EVL: variants seen among roughly 807,000 people sequenced by gnomAD.
The protein encoded by EVL is ena/VASP-like protein.
A neutral mutation model predicts 59.6 loss-of-function variants in EVL; 21 were observed. The ratio of observed to expected loss-of-function variants is 0.35; its 90% CI spans 0.25 to 0.51. EVL has a LOEUF of 0.51. Ranked by LOEUF, EVL falls within the 20% of genes least tolerant of loss-of-function variation. EVL has a pLI of 0.97. For missense variants in EVL, 462 were observed against 546.6 expected, an observed-to-expected ratio of 0.85 and a Z score of 1.54; for synonymous variants, 198 against 203.5, an observed-to-expected ratio of 0.97 and a Z score of 0.23.
At position 99,972,431 on chromosome 14, in the gene EVL, C is replaced by CG. The variant is rs2060740468; in HGVS notation, c.5+376dup. Among the ~76,000 whole-genome samples, 1 of 152,120 alleles carries CG rather than the reference C, an allele frequency of 6.6e-6. No homozygotes were observed. The highest frequency in any genetic ancestry group is 2.4e-5 in the African/African-American group (1 of 41,442). The stretch of plus-strand genomic sequence containing the variant: ...CCGACCGCGCGAGGACCGAAGTTGG[C>CG]GGAAGCCCCTGTGCGGTGCCTTCCA... On this transcript the variant is annotated intron_variant, in intron 1 of 13. Transcript: ENST00000402714. The surrounding 1 kb of genome is among the most constrained non-coding windows in gnomAD (Gnocchi z 4.4).
intron 4 of EVL, among the ~76,000 whole-genome samples, chr14:100,123,901 C>T (rs1887860156): frequency 6.6e-6 from 1 of 152,222 alleles, no homozygotes; most frequent in Non-Finnish European, 1.5e-5. Flanking sequence ...GTGCTGCTCC[C>T]TTGTTGCCTC....
At chr14:100,072,255 C>G (rs956131719) in intron 1 of EVL, among the ~76,000 whole-genome samples, 1 of 152,176 alleles carries the variant, frequency 6.6e-6, no homozygotes, top group African/African-American at 2.4e-5. Context: ...ATCGGAGTCT[C>G]CCTCTGTCGC....
At chr14:100,008,128 G>T (rs996075135) in intron 1 of EVL, among the ~76,000 whole-genome samples, 11 of 152,060 alleles carry the variant, frequency 7.2e-5, no homozygotes, top group African/African-American at 2.7e-4. Flanking sequence ...TCTCAAACTT[G>T]AGCATGCGTT....
intron 3 of EVL, among the ~76,000 whole-genome samples, chr14:100,101,179 G>A (rs1225138798): frequency 1.3e-5 from 2 of 151,888 alleles, no homozygotes; most frequent in African/African-American, 4.8e-5. Flanking sequence ...GGCCAACCTC[G>A]TCTCTACTAA....
At chr14:100,054,870 G>A (rs113430828) in intron 1 of EVL, among the ~76,000 whole-genome samples, 42 of 152,164 alleles carry the variant, frequency 2.8e-4, no homozygotes, top group African/African-American at 1.0e-3. Flanking sequence ...TTAACACCCA[G>A]GCACACATCC....
chr14:100,006,386 G>A (rs545796556), intron 1 of EVL, among the ~76,000 whole-genome samples: 1 of 150,766 alleles, frequency 6.6e-6, no homozygotes, highest in African/African-American at 2.4e-5. Context: ...CCGTGTTCAA[G>A]CAATTCTCCT....
Position 100,101,217 on chromosome 14 carries a change from G to C in EVL, c.358+3559G>C, listed in dbSNP as rs542927559. 5.3e-5 allele frequency among the ~76,000 whole-genome samples: 8 copies of C among 152,264 alleles called. No individual in the cohort carries two copies. In the South Asian group the frequency reaches 1.5e-3, roughly 28 times the overall value. On this transcript the variant is annotated intron_variant, in intron 3 of 13. Transcript: ENST00000392920. The stretch of plus-strand genomic sequence containing the variant: ...AGACAAAATTAGGCCGGGCGCGGTG[G>C]CTCACACCTGTAATCCCAATACTTG...
At chr14:100,056,294 G>A (rs1188808633) in intron 1 of EVL, among the ~76,000 whole-genome samples, 1 of 149,456 alleles carries the variant, frequency 6.7e-6, no homozygotes, top group African/African-American at 2.5e-5. Context: ...ATGTTTTTGG[G>A]TCAACTCTTT....
chr14:100,090,861 A>G (rs2062548788), intron 2 of EVL, among the ~76,000 whole-genome samples: 1 of 152,224 alleles, frequency 6.6e-6, no homozygotes, highest in Non-Finnish European at 1.5e-5. Context: ...TTCAAGAACA[A>G]GACAAGAATG....
chr14:100,094,134 A>AG (rs1215416215), intron 2 of EVL, among the ~76,000 whole-genome samples: 4 of 151,008 alleles, frequency 2.6e-5, no homozygotes, highest in African/African-American at 5.0e-5. Flanking sequence ...ACAAAAAAAA[A>AG]TCACGAAGTC....
At chr14:100,125,590 C>G (rs1888023099) in intron 4 of EVL, among the ~76,000 whole-genome samples, 2 of 150,674 alleles carry the variant, frequency 1.3e-5, no homozygotes, top group Admixed American at 6.6e-5. Context: ...GAGTCTTGCT[C>G]TGTCACCCGG....
chr14:100,068,619 G>A (rs942169571), intron 1 of EVL, among the ~76,000 whole-genome samples: 2 of 152,152 alleles, frequency 1.3e-5, no homozygotes, highest in Non-Finnish European at 2.9e-5. Context: ...CAGGGTAGGC[G>A]GTGAGAAGTC....
chr14:100,105,713 C>T (rs1393791240), intron 3 of EVL, among the ~76,000 whole-genome samples: 1 of 151,996 alleles, frequency 6.6e-6, no homozygotes, highest in Non-Finnish European at 1.5e-5. Flanking sequence ...TGTCTCGCAG[C>T]ATGAGAGTCC....
chr14:100,023,578 C>G (rs898693191), intron 1 of EVL, among the ~76,000 whole-genome samples: 1 of 151,750 alleles, frequency 6.6e-6, no homozygotes, highest in Non-Finnish European at 1.5e-5. Flanking sequence ...CCCCCTGCCT[C>G]GGCCTCCCAA....
intron 1 of EVL, among the ~76,000 whole-genome samples, chr14:100,034,136 C>T (rs1348749716): frequency 1.3e-5 from 2 of 149,476 alleles, no homozygotes; most frequent in African/African-American, 5.0e-5. Context: ...CTCAGGAGGC[C>T]GAGGCATGAG....
intron 1 of EVL, chr14:100,019,422 G>C (rs1485747661): frequency 3.8e-6 from 2 of 525,274 alleles, no homozygotes. Context: ...GCATTAATCA[G>C]ACTTGCTGGA....
intron 1 of EVL, among the ~76,000 whole-genome samples, chr14:99,994,112 CTTTTTTTTT>C (rs751533422): frequency 3.6e-5 from 2 of 55,166 alleles, no homozygotes; most frequent in African/African-American, 8.8e-5. Context: ...AGCCTTTTGG[CTTTTTTTTT>C]TTTTTTTTTT....
At chr14:99,971,714 G>T (rs1191256298) in exon 1 of EVL, 1 of 147,660 alleles carries the variant, frequency 6.8e-6, no homozygotes, top group Non-Finnish European at 1.5e-5. Flanking sequence ...CGTTCCCGCC[G>T]CCCGGACCCC....
chr14:99,975,549 TGGGGGGTTA>T (rs1288388398), intron 1 of EVL, among the ~76,000 whole-genome samples: 2 of 152,134 alleles, frequency 1.3e-5, no homozygotes, highest in Admixed American at 1.3e-4. Flanking sequence ...AATTTTTCCT[TGGGGGGTTA>T]GGGGGGTAGT....
Sources: allele counts gnomAD v4.1 joint callset (sites outside exome capture counted in the v4.1 genomes callset), GRCh38; gene constraint gnomAD v4.1.1; non-coding constraint Gnocchi (gnomAD v3.1); transcripts MANE v1.5; gene names NCBI Gene and HGNC (gene_info 2026-07-23, HGNC 2026-07-21).